Variants in MDH1B observed in about 807,000 individuals in gnomAD.
MDH1B encodes the protein malate dehydrogenase 1B.
Under a neutral mutation model 61.4 loss-of-function variants are expected in MDH1B, and 60 were observed. The ratio of observed to expected loss-of-function variants is 0.98; its 90% confidence interval spans 0.79 to 1.21. The LOEUF is 1.21. Ranked by LOEUF, MDH1B falls within the 50% of genes most tolerant of loss-of-function variation. The pLI, the probability that MDH1B is intolerant of heterozygous loss-of-function variation, is 0.00. For synonymous variants in MDH1B, 236 were observed against 218.7 expected (o/e 1.08, Z -0.70); for missense variants, 587 against 632.1 (o/e 0.93, Z 0.76).
At chr2:206,741,400 A>G (rs918787483) in intron 9 of MDH1B, 1 of 393,320 alleles carries the variant, frequency 2.5e-6, no homozygotes, top group African/African-American at 2.1e-5. Context: ...GGTGTTGCCA[A>G]AGGAAATTAA....
Position 206,738,606 on chromosome 2 carries a change from T to C in MDH1B, c.1529-95A>G, listed in dbSNP as rs80243108. The C allele has an allele frequency of 2.1e-3, 1,715 of 827,340 alleles. 35 individuals are homozygous for C. In the East Asian group the frequency reaches 0.035, roughly 17 times the overall value. 51.2% of individuals were successfully genotyped at this position (827,340 alleles called of 1,614,324 possible). A position where few individuals can be genotyped will look rare whatever the true frequency, so the allele number is the denominator to read the frequency against. ...CTTTTTTGTTTGCTGGATTCCTGTA[T>C]TCATGATTCAATAGCTGAGAAAGTG... On this transcript the variant is annotated intron_variant, in intron 11 of 11. Transcript: ENST00000374412.
intron 9 of MDH1B, among the ~76,000 whole-genome samples, chr2:206,743,800 T>C (rs538175187): frequency 1.8e-4 from 28 of 152,210 alleles, no homozygotes; most frequent in Non-Finnish European, 3.2e-4. Context: ...CCCTTATCAA[T>C]AGTAAATCTG....
chr2:206,763,910 G>A (rs974215865), intron 1 of MDH1B, among the ~76,000 whole-genome samples: 2 of 151,778 alleles, frequency 1.3e-5, no homozygotes, highest in African/African-American at 4.9e-5. Context: ...CCCTGCTATC[G>A]TTCCTATAGA....
At chr2:206,741,265 A>T in intron 9 of MDH1B, 161 bp from the exon 10 acceptor site, 1 of 927,838 alleles carries the variant, frequency 1.1e-6, no homozygotes, top group Non-Finnish European at 1.6e-6. Context: ...ATTTGTGTAC[A>T]TATTAATGAA....
chr2:206,748,792 A>C (rs1360003843), intron 7 of MDH1B, among the ~76,000 whole-genome samples: 1 of 152,264 alleles, frequency 6.6e-6, no homozygotes, highest in East Asian at 1.9e-4. Context: ...AGGTTTCCTG[A>C]AGGCAGAGGC....
chr2:206,758,781 C>CA (rs374225479), intron 2 of MDH1B, among the ~76,000 whole-genome samples: 3,943 of 137,730 alleles, frequency 0.029, 88 homozygotes, highest in Non-Finnish European at 0.045. Flanking sequence ...CACACACACA[C>CA]AAAAAAAAAA....
intron 9 of MDH1B, among the ~76,000 whole-genome samples, chr2:206,744,218 CT>C (rs1687967976): frequency 6.6e-6 from 1 of 152,214 alleles, no homozygotes; most frequent in African/African-American, 2.4e-5. Flanking sequence ...ACATTTACTC[CT>C]CCCACGCACC....
At chr2:206,759,617 A>G (rs1343052482) in intron 2 of MDH1B, among the ~76,000 whole-genome samples, 2 of 152,224 alleles carry the variant, frequency 1.3e-5, no homozygotes, top group African/African-American at 2.4e-5. Context: ...TGACTTTTAA[A>G]TAATAGTCAT....
intron 5 of MDH1B, among the ~76,000 whole-genome samples, chr2:206,753,367 C>T (rs1688559112): frequency 6.6e-6 from 1 of 152,174 alleles, no homozygotes; most frequent in Admixed American, 6.5e-5. Context: ...CTTGCAGCCT[C>T]AAACTCCTGT....
At chr2:206,740,757 T>C (rs541808807) in intron 10 of MDH1B, among the ~76,000 whole-genome samples, 3 of 152,162 alleles carry the variant, frequency 2.0e-5, no homozygotes, top group Non-Finnish European at 2.9e-5. Context: ...GGCTTCATAA[T>C]AGAGAATTGA....
chr2:206,760,328 G>A (rs1689015999), intron 2 of MDH1B, among the ~76,000 whole-genome samples: 1 of 152,204 alleles, frequency 6.6e-6, no homozygotes, highest in Non-Finnish European at 1.5e-5. Context: ...TGGTTGAGGA[G>A]GGAGCACAAA....
chr2:206,739,030 G>T (rs761632592), intron 11 of MDH1B, among the ~76,000 whole-genome samples: 1 of 152,182 alleles, frequency 6.6e-6, no homozygotes, highest in Non-Finnish European at 1.5e-5. Flanking sequence ...ATATACTTGG[G>T]AAATCTGGAC....
chr2:206,762,560 T>C (rs1574653423), intron 1 of MDH1B, among the ~76,000 whole-genome samples: 1 of 141,342 alleles, frequency 7.1e-6, no homozygotes, highest in Non-Finnish European at 1.7e-5. Context: ...CATTACATTA[T>C]GTTTCTCCTG....
Position 206,759,326 on chromosome 2 carries a change from G to A in MDH1B, c.135+1575C>T, listed in dbSNP as rs146034208. Among the ~76,000 whole-genome samples the A allele has an allele frequency of 1.3e-3, 204 of 152,114 alleles. 1 individual carries two copies. The highest frequency in any genetic ancestry group is 4.7e-3 in the African/African-American group (193 of 41,484). On this transcript the variant is annotated intron_variant, in intron 2 of 11. Transcript: ENST00000374412. ...AAAGGACATGATCTCATTCCTTTTCGTGGCTGTGTAGTATTTCATGATGTA... is the reference window on the plus strand; with the variant it reads ...AAAGGACATGATCTCATTCCTTTTCATGGCTGTGTAGTATTTCATGATGTA...
chr2:206,745,822 CTTCT>C, intron 8 of MDH1B, 149 bp from the exon 9 acceptor site: 1 of 601,054 alleles, frequency 1.7e-6, no homozygotes, highest in Non-Finnish European at 2.9e-6. Flanking sequence ...CAACCTCTCC[CTTCT>C]TGGTTCAAGC....
chr2:206,744,950 A>T (rs7606914), intron 9 of MDH1B, among the ~76,000 whole-genome samples: 36,390 of 146,900 alleles, frequency 0.25, 5,797 homozygotes, highest in East Asian at 0.47. Flanking sequence ...AAATAAATAA[A>T]ATATATATAT....
At chr2:206,740,908 T>A in intron 10 of MDH1B, 146 bp downstream of exon 10, 1 of 1,143,294 alleles carries the variant, frequency 8.7e-7, no homozygotes, top group Non-Finnish European at 1.2e-6. Context: ...TATGCCCATT[T>A]CAAAGTGTTT....
intron 5 of MDH1B, among the ~76,000 whole-genome samples, 175 bp downstream of exon 5, chr2:206,754,834 G>A (rs59795626): frequency 0.12 from 17,871 of 151,972 alleles, 1,461 homozygotes; most frequent in African/African-American, 0.24. Flanking sequence ...ACAAAAGCCA[G>A]TAAAAAAAAA....
Position 206,755,153 on chromosome 2 carries a change from C to T in MDH1B, c.766G>A (p.Gly256Arg), listed in dbSNP as rs1209222126. 6.2e-7 allele frequency: 1 copy of T among 1,614,064 alleles called. No homozygotes were observed. The highest frequency in any genetic ancestry group is 8.5e-7 in the Non-Finnish European group (1 of 1,180,032). ...NAHESVRVIV[G>R]GRTFVNLKTV... ...TTCAGGTTTACAAAGGTTCTCCCTC[C>T]CACGATGACTCTGACAGACTCATGA... Residue 256 changes from glycine to arginine, a missense_variant, in exon 5 of 12, where the codon GGA becomes AGA. Transcript: ENST00000374412.
Sources: allele counts gnomAD v4.1 joint callset (sites outside exome capture counted in the v4.1 genomes callset), GRCh38; gene constraint gnomAD v4.1.1; transcripts MANE v1.5; gene names NCBI Gene and HGNC (gene_info 2026-07-23, HGNC 2026-07-21).